PHF20: variants seen among roughly 807,000 people sequenced by gnomAD.
PHF20 encodes the protein glioma-expressed antigen 2.
PHF20 carries 23 observed loss-of-function variants against 113.5 expected under a neutral mutation model. That is an observed-to-expected ratio of 0.20 (90% CI 0.15 to 0.29). The LOEUF is 0.29. Among genes scored for constraint, PHF20 ranks in the 10% least tolerant of loss-of-function variants. The probability of loss-of-function intolerance (pLI) is 1.00; values close to 1 mark genes in which losing one functional copy is unlikely to be tolerated. For synonymous variants in PHF20, 434 were observed against 457.3 expected (o/e 0.95, Z 0.65); for missense variants, 943 against 1,219.6 (o/e 0.77, Z 3.38).
chr20:35,859,699 C>A (rs1395194021), intron 5 of PHF20, among the ~76,000 whole-genome samples: 1 of 151,944 alleles, frequency 6.6e-6, no homozygotes, highest in East Asian at 1.9e-4. Flanking sequence ...CGCGTGCCAC[C>A]ACGCCCGGCT....
intron 1 of PHF20, among the ~76,000 whole-genome samples, chr20:35,795,117 G>A (rs1020338441): frequency 2.0e-5 from 3 of 151,624 alleles, no homozygotes; most frequent in South Asian, 2.1e-4. Context: ...GCTTGAACCC[G>A]GGAGGAGGAG....
At chr20:35,941,822 C>T (rs940125206) in intron 17 of PHF20, among the ~76,000 whole-genome samples, 3 of 151,998 alleles carry the variant, frequency 2.0e-5, no homozygotes, top group Admixed American at 6.6e-5. Context: ...GAGGTGTGGC[C>T]GGGACACATG....
intron 1 of PHF20, among the ~76,000 whole-genome samples, chr20:35,783,757 G>A (rs1374636714): frequency 2.6e-5 from 4 of 151,866 alleles, no homozygotes; most frequent in Non-Finnish European, 4.4e-5. Context: ...CGAGGTGGGC[G>A]GATCACCTGA....
chr20:35,818,713 T>G (rs958693527), intron 2 of PHF20, among the ~76,000 whole-genome samples: 1 of 152,132 alleles, frequency 6.6e-6, no homozygotes, highest in Non-Finnish European at 1.5e-5. Flanking sequence ...ATTTTTGTAT[T>G]TGTTATAGAG....
rs1470035240 is a variant in PHF20, at chr20:35,914,129, G to A, written c.1757G>A (p.Gly586Glu). ...AGGTGTGGGTCCTCACACAAGCCAG[G>A]GGTCCATATGAGCCCGCAGCTTCAT... is the stretch of plus-strand genomic sequence containing the variant. ...VTRCGSSHKPGVHMSPQLHGP... is the reference protein window; with the variant it reads ...VTRCGSSHKPEVHMSPQLHGP... Residue 586 changes from glycine to glutamate, a missense_variant, in exon 12 of 18, where the codon GGG becomes GAG. Gly to Glu is a moderately conservative substitution (Grantham distance 98). Transcript: ENST00000374012. 3.1e-6 allele frequency: 5 copies of A among 1,614,072 alleles called. No individual in the cohort carries two copies. Among genetic ancestry groups the A allele is most frequent in the Non-Finnish European group, 4.2e-6 (5 of 1,180,018 alleles).
intron 2 of PHF20, among the ~76,000 whole-genome samples, chr20:35,828,645 G>A (rs1902177795): frequency 6.6e-6 from 1 of 152,186 alleles, no homozygotes; most frequent in Non-Finnish European, 1.5e-5. Context: ...GACCTGTACT[G>A]TTCTCTGCCT....
chr20:35,883,230 A>G (rs1284686263), intron 9 of PHF20, among the ~76,000 whole-genome samples: 2 of 151,834 alleles, frequency 1.3e-5, no homozygotes, highest in Non-Finnish European at 2.9e-5. Context: ...AAACAAAAAC[A>G]AAAACAATTA....
intron 8 of PHF20, 41 bp downstream of exon 8, chr20:35,871,175 C>T (rs1352264388): frequency 6.7e-7 from 1 of 1,484,184 alleles, no homozygotes; most frequent in East Asian, 2.3e-5. Flanking sequence ...CAACCTGGTT[C>T]CTATTTAGTG....
intron 10 of PHF20, among the ~76,000 whole-genome samples, chr20:35,911,699 C>T (rs1432212201): frequency 6.6e-6 from 1 of 152,180 alleles, no homozygotes; most frequent in Non-Finnish European, 1.5e-5. Flanking sequence ...CACTCTGTCA[C>T]CCAGGCTGGA....
At chr20:35,786,284 A>T (rs548925499) in intron 1 of PHF20, among the ~76,000 whole-genome samples, 2 of 148,964 alleles carry the variant, frequency 1.3e-5, no homozygotes, top group East Asian at 4.1e-4. Flanking sequence ...GCAGCTACTC[A>T]GGAGGCTGAG....
intron 6 of PHF20, among the ~76,000 whole-genome samples, chr20:35,867,074 T>C (rs1255358501): frequency 2.0e-5 from 3 of 152,148 alleles, no homozygotes; most frequent in Non-Finnish European, 4.4e-5. Flanking sequence ...TACAGTCAGC[T>C]CCTATTTATA....
chr20:35,880,541 G>A (rs2054609729), intron 9 of PHF20, among the ~76,000 whole-genome samples: 1 of 152,156 alleles, frequency 6.6e-6, no homozygotes, highest in Admixed American at 6.5e-5. Context: ...TTTTAAAGAA[G>A]TTTTTATTTT....
intron 10 of PHF20, among the ~76,000 whole-genome samples, chr20:35,906,711 A>G (rs2055206680): frequency 6.6e-6 from 1 of 152,192 alleles, no homozygotes; most frequent in South Asian, 2.1e-4. Flanking sequence ...CAGAAGTGCC[A>G]CACATCACTT....
At chr20:35,789,253 C>T (rs555639623) in intron 1 of PHF20, among the ~76,000 whole-genome samples, 1 of 151,978 alleles carries the variant, frequency 6.6e-6, no homozygotes, top group East Asian at 1.9e-4. Flanking sequence ...AAACTAGAGA[C>T]TAGCCCGTCT....
At chr20:35,850,928 G>C in intron 4 of PHF20, 1 of 601,788 alleles carries the variant, frequency 1.7e-6, no homozygotes, top group Non-Finnish European at 3.0e-6. Context: ...TGAAGGTGAA[G>C]ATAGAACTGC....
At chr20:35,811,585 T>C (rs1236707911) in intron 2 of PHF20, among the ~76,000 whole-genome samples, 1 of 151,450 alleles carries the variant, frequency 6.6e-6, no homozygotes, top group Non-Finnish European at 1.5e-5. Context: ...TCGGATTACA[T>C]GCATGCGCCA....
chr20:35,907,028 C>T (rs1016599266), intron 10 of PHF20, among the ~76,000 whole-genome samples: 1 of 152,148 alleles, frequency 6.6e-6, no homozygotes, highest in African/African-American at 2.4e-5. Context: ...CCTCCAAGCC[C>T]ATATCTGCTT....
chr20:35,841,325 A>G (rs2042531680), intron 2 of PHF20, among the ~76,000 whole-genome samples: 1 of 152,158 alleles, frequency 6.6e-6, no homozygotes, highest in South Asian at 2.1e-4. Flanking sequence ...CCTGGGTGAC[A>G]GAGTGAGACC....
chr20:35,901,275 C>T (rs995575560), intron 10 of PHF20, among the ~76,000 whole-genome samples: 5 of 151,818 alleles, frequency 3.3e-5, no homozygotes, highest in African/African-American at 9.7e-5. Flanking sequence ...ATTAGCCAGG[C>T]GTGGTGGCAG....
Sources: gnomAD v4.1 joint callset for allele counts (sites outside exome capture counted in the v4.1 genomes callset) on GRCh38, gnomAD v4.1.1 for gene constraint, MANE v1.5 for transcripts, NCBI Gene and HGNC (gene_info 2026-07-23, HGNC 2026-07-21) for gene names.